Variants in NOMO2 observed in about 807,000 individuals in gnomAD.
The protein encoded by NOMO2 is NODAL modulator 2.
NOMO2 carries 14 observed loss-of-function variants against 67.1 expected under a neutral mutation model. That is an observed-to-expected ratio of 0.21 (90% CI 0.14 to 0.33). The LOEUF (loss-of-function observed/expected upper bound fraction) is 0.33. NOMO2 is among the 10% of genes least tolerant of loss of function. The pLI, the probability that NOMO2 is intolerant of heterozygous loss-of-function variation, is 1.00. For synonymous variants in NOMO2, 80 were observed against 305.9 expected, an observed-to-expected ratio of 0.26 and a Z score of 7.71; for missense variants, 178 against 761.0, an observed-to-expected ratio of 0.23 and a Z score of 9.01.
intron 5 of NOMO2, among the ~76,000 whole-genome samples, chr16:18,549,319 A>G (rs1162602656): frequency 6.7e-6 from 1 of 150,310 alleles, no homozygotes; most frequent in Non-Finnish European, 1.5e-5. Context: ...CATCTCATCA[A>G]TGCTAGGCAA....
At chr16:18,540,165 A>T (rs1410398572) in intron 9 of NOMO2, among the ~76,000 whole-genome samples, 2 of 149,606 alleles carry the variant, frequency 1.3e-5, no homozygotes, top group Non-Finnish European at 3.0e-5. Context: ...TAATTAAATG[A>T]CTTCCTTTTT....
In NOMO2 at chr16:18,531,533, G is replaced by C; in HGVS notation, c.1470C>G (p.Asp490Glu). 1 of 1,604,844 alleles carries C rather than the reference G, an allele frequency of 6.2e-7. No homozygotes were observed. The highest frequency in any genetic ancestry group is 1.1e-5 in the South Asian group (1 of 90,344). Residue 490 changes from aspartate (D) to glutamate (E), a missense_variant, in exon 13 of 31, where the codon GAC (aspartate) becomes GAG (glutamate). Transcript: ENST00000622306. ...CAAAGGCCACATCCATCACGGGCCT[G>C]TCGGTCACAGTAAGAGGAAATGTCT... ...KPQTFPLTVT[D>E]RPVMDVAFVQ... is the part of the protein sequence containing the mutation.
chr16:18,539,907 C>T (rs1228915915), intron 9 of NOMO2, among the ~76,000 whole-genome samples: 1 of 152,062 alleles, frequency 6.6e-6, no homozygotes, highest in Non-Finnish European at 1.5e-5. Context: ...TGAGTTCCAG[C>T]CCTGATCTGT....
chr16:18,534,445 T>C (rs1901375057), intron 11 of NOMO2, among the ~76,000 whole-genome samples: 2 of 142,874 alleles, frequency 1.4e-5, no homozygotes, highest in Non-Finnish European at 3.1e-5. Context: ...TGCCCATTCA[T>C]TTACAAATGT....
intron 14 of NOMO2, among the ~76,000 whole-genome samples, chr16:18,530,092 T>G (rs1383809020): frequency 8.7e-6 from 1 of 114,382 alleles, no homozygotes; most frequent in Non-Finnish European, 1.9e-5. Flanking sequence ...CACTCCGGCC[T>G]GGGTGACAGA....
At chr16:18,558,565 C>A in intron 1 of NOMO2, 1 of 184,868 alleles carries the variant, frequency 5.4e-6, no homozygotes. Context: ...ATACTTGGAG[C>A]AACATTCATC....
rs1311104320 is a variant in NOMO2, at chr16:18,557,786, C to T, written c.171G>A (p.Lys57=). The T allele has an allele frequency of 6.2e-7, 1 of 1,601,428 alleles. No homozygotes were observed. Among genetic ancestry groups the T allele is most frequent in the Non-Finnish European group, 8.5e-7 (1 of 1,173,238 alleles). Reference sequence around the variant, plus strand: ...TCAAAGTCCCATGCTTGGTGTACAGCTTTATCTGGAAAGGAAGGAAGGAAA... The same window carrying T: ...TCAAAGTCCCATGCTTGGTGTACAGTTTTATCTGGAAAGGAAGGAAGGAAA... ...VEINYSLIEI[K]LYTKHGTLKY... is the part of the protein sequence containing the mutation. The change falls in exon 2 of 31, where the codon AAG becomes AAA. Residue 57 remains lysine (K), a synonymous_variant. Transcript: ENST00000622306.
intron 11 of NOMO2, chr16:18,533,502 A>G (rs1444270665): frequency 4.8e-6 from 1 of 208,616 alleles, no homozygotes; most frequent in Non-Finnish European, 9.4e-6. Context: ...GATAATAAAA[A>G]CGTTTCAGGT....
At chr16:18,559,521 G>C (rs1404756134) in intron 1 of NOMO2, among the ~76,000 whole-genome samples, 16 of 152,020 alleles carry the variant, frequency 1.1e-4, no homozygotes, top group Admixed American at 4.6e-4. Flanking sequence ...GAAAGGACTC[G>C]TGTGAAATAA....
chr16:18,558,033 C>T (rs1901951378), intron 1 of NOMO2, among the ~76,000 whole-genome samples: 1 of 151,554 alleles, frequency 6.6e-6, no homozygotes, highest in Non-Finnish European at 1.5e-5. Context: ...TTTTTCAATG[C>T]TTTCCTGTTT....
intron 3 of NOMO2, among the ~76,000 whole-genome samples, chr16:18,553,280 T>G (rs533500780): frequency 4.0e-3 from 595 of 150,364 alleles, no homozygotes; most frequent in African/African-American, 0.014. Context: ...AAGAAAAAAA[T>G]AAAATAAAAT....
chr16:18,531,459 A>G lies in NOMO2; in HGVS notation c.1537+7T>C. The G allele has an allele frequency of 6.2e-7, 1 of 1,612,986 alleles. No homozygotes were observed. Among genetic ancestry groups the G allele is most frequent in the Non-Finnish European group, 8.5e-7 (1 of 1,179,664 alleles). On this transcript the variant is annotated splice_region_variant and intron_variant, in intron 13 of 30. Transcript: ENST00000622306. ...CTATGTGTTCTTACTTTCCAGTGAT[A>G]TCTTACCCAAACAAGAGACTTTCCC...
chr16:18,525,432 T>C (rs1901123489), intron 16 of NOMO2, among the ~76,000 whole-genome samples: 1 of 150,964 alleles, frequency 6.6e-6, no homozygotes, highest in Admixed American at 6.6e-5. Context: ...TTGTGGCACA[T>C]GCAAGAAGGG....
At chr16:18,529,734 A>G (rs1160666885) in intron 14 of NOMO2, 97 bp from the exon 15 acceptor site, 1 of 844,602 alleles carries the variant, frequency 1.2e-6, no homozygotes, top group Non-Finnish European at 1.9e-6. Context: ...ACTAATTTTA[A>G]AAAGCAGGTG....
chr16:18,543,464 A>G (rs368892013), intron 7 of NOMO2, among the ~76,000 whole-genome samples, 153 bp downstream of exon 7: 1 of 150,808 alleles, frequency 6.6e-6, no homozygotes, highest in African/African-American at 2.4e-5. Flanking sequence ...TACAGGCATG[A>G]GCTACCACAC....
At chr16:18,559,144 C>G (rs1901980677) in intron 1 of NOMO2, among the ~76,000 whole-genome samples, 1 of 151,910 alleles carries the variant, frequency 6.6e-6, no homozygotes, top group African/African-American at 2.4e-5. Context: ...GCCTGAGCAA[C>G]AGTGTGAGAC....
At chr16:18,558,572 C>T (rs1212244510) in intron 1 of NOMO2, 5 of 189,702 alleles carry the variant, frequency 2.6e-5, no homozygotes, top group Non-Finnish European at 1.2e-5. Flanking sequence ...GAGCAACATT[C>T]ATCTAGAAAC....
At chr16:18,534,080 G>T (rs1170040382) in intron 11 of NOMO2, among the ~76,000 whole-genome samples, 1 of 151,910 alleles carries the variant, frequency 6.6e-6, no homozygotes, top group Non-Finnish European at 1.5e-5. Flanking sequence ...ACAATTAGGG[G>T]TACATTAAAT....
intron 11 of NOMO2, among the ~76,000 whole-genome samples, chr16:18,534,038 G>C (rs1901365298): frequency 6.6e-6 from 1 of 151,924 alleles, no homozygotes; most frequent in Non-Finnish European, 1.5e-5. Flanking sequence ...AGTTACTTTT[G>C]ACATAAAGAT....
Sources: allele counts gnomAD v4.1 joint callset (sites outside exome capture counted in the v4.1 genomes callset), GRCh38; gene constraint gnomAD v4.1.1; transcripts MANE v1.5; gene names NCBI Gene and HGNC (gene_info 2026-07-23, HGNC 2026-07-21).